MDGA1: variants seen among roughly 807,000 people sequenced by gnomAD.
The protein encoded by MDGA1 is MAM domain containing glycosylphosphatidylinositol anchor 1.
In MDGA1, 54 loss-of-function variants were observed where a neutral mutation model predicts 101.5. The observed-to-expected ratio is 0.53, with a 90% CI of 0.43 to 0.67. MDGA1 has a LOEUF of 0.67. MDGA1 is among the 30% of genes least tolerant of loss of function. The probability of loss-of-function intolerance (pLI) is 0.00; values close to 1 mark genes in which losing one functional copy is unlikely to be tolerated. For synonymous variants in MDGA1, 533 were observed against 558.3 expected (o/e 0.95, Z 0.64); for missense variants, 1,083 against 1,323.8 (o/e 0.82, Z 2.82).
intron 13 of MDGA1, 57 bp downstream of exon 13, chr6:37,644,440 G>A (rs1764175890): frequency 2.1e-6 from 3 of 1,462,996 alleles, no homozygotes. Flanking sequence ...GGGTGCCCTG[G>A]GCCTAGACAC....
At chr6:37,656,393 G>A (rs1469094047) in intron 3 of MDGA1, among the ~76,000 whole-genome samples, 2 of 144,480 alleles carry the variant, frequency 1.4e-5, no homozygotes, top group Non-Finnish European at 3.0e-5. Context: ...TTTTTTTTGA[G>A]ACAGAGTCTC....
intron 1 of MDGA1, among the ~76,000 whole-genome samples, chr6:37,684,239 G>C (rs192694331): frequency 1.1e-4 from 16 of 152,296 alleles, no homozygotes; most frequent in African/African-American, 3.9e-4. Context: ...TGTTGGACCC[G>C]GTGGAGACTG....
At chr6:37,658,101 G>A (rs1051436204) in intron 3 of MDGA1, 144 bp downstream of exon 3, 5 of 885,938 alleles carry the variant, frequency 5.6e-6, no homozygotes, top group Non-Finnish European at 8.2e-6. Context: ...GGTACACACC[G>A]CCTGGTACCT....
chr6:37,653,638 C>A (rs73413382), intron 6 of MDGA1, among the ~76,000 whole-genome samples: 3,367 of 152,218 alleles, frequency 0.022, 130 homozygotes, highest in African/African-American at 0.074. Context: ...TAAAGCTGCA[C>A]AAGCAGAAAA....
intron 2 of MDGA1, among the ~76,000 whole-genome samples, chr6:37,662,435 G>C (rs1468553698): frequency 1.3e-5 from 2 of 151,902 alleles, no homozygotes; most frequent in African/African-American, 2.4e-5. Flanking sequence ...AGGAGTTCAA[G>C]ACCAGCCTGG....
intron 1 of MDGA1, among the ~76,000 whole-genome samples, chr6:37,689,121 C>G (rs1454727138): frequency 6.6e-6 from 1 of 152,164 alleles, no homozygotes; most frequent in African/African-American, 2.4e-5. Flanking sequence ...CATTCCTCCT[C>G]CTCCTCTCAC....
chr6:37,650,520 C>G (rs781398290), intron 7 of MDGA1, 115 bp from the exon 8 acceptor site: 1 of 1,123,462 alleles, frequency 8.9e-7, no homozygotes, highest in Non-Finnish European at 1.2e-6. Context: ...TCTCTCCCAT[C>G]CCAGACTTCC....
chr6:37,681,039 C>T (rs1169999925), intron 1 of MDGA1, among the ~76,000 whole-genome samples: 2 of 152,176 alleles, frequency 1.3e-5, no homozygotes, highest in South Asian at 2.1e-4. Flanking sequence ...GCTGCCAACC[C>T]GGCTGGCATG....
chr6:37,664,983 A>AG (rs11413012), intron 1 of MDGA1, among the ~76,000 whole-genome samples: 124,876 of 150,740 alleles, frequency 0.83, 52,208 homozygotes, highest in Non-Finnish European at 0.88. Context: ...TTCTTCTCCA[A>AG]GGACAGAAAT....
In MDGA1 at chr6:37,638,197, T is replaced by C; in HGVS notation, c.2776+8A>G. Reference sequence around the variant, plus strand: ...ATTCAGCTCCCCCACCTCCTTCCCGTCTTGCACCTTTATTGGGATCCGTCT... The same window carrying C: ...ATTCAGCTCCCCCACCTCCTTCCCGCCTTGCACCTTTATTGGGATCCGTCT... On this transcript the variant is annotated splice_region_variant and intron_variant, in intron 16 of 16. Transcript: ENST00000434837. This position sits in a 1 kb window ranked among gnomAD's most constrained non-coding sequence, Gnocchi z 4.8. 1 of 1,608,388 alleles carries C rather than the reference T, an allele frequency of 6.2e-7. No individual in the cohort carries two copies. The highest frequency in any genetic ancestry group is 8.5e-7 in the Non-Finnish European group (1 of 1,175,746).
intron 2 of MDGA1, among the ~76,000 whole-genome samples, 188 bp from the exon 3 acceptor site, chr6:37,658,607 G>A (rs541457792): frequency 1.3e-5 from 2 of 152,364 alleles, no homozygotes; most frequent in Admixed American, 6.5e-5. Flanking sequence ...AGAATGCCAC[G>A]GAGTCAAGAG....
rs1190222856 is a variant in MDGA1 at position 37,635,215 on chromosome 6, T to C, written c.*2153A>G. The C allele has an allele frequency of 2.7e-6, 1 of 373,580 alleles. No individual in the cohort carries two copies. Among genetic ancestry groups the C allele is most frequent in the Non-Finnish European group, 4.7e-6 (1 of 210,530 alleles). 23.1% of individuals were successfully genotyped at this position (373,580 alleles called of 1,614,324 possible). ...TTTTTAAAGGACTCTGGTGGTTCTA[T>C]TCTGCAGGCAAGGCCAGGAACCACT... On this transcript the variant is annotated 3_prime_UTR_variant, in exon 17 of 17. Coordinates refer to ENST00000434837, the MANE Select transcript of MDGA1 (RefSeq NM_153487.4).
chr6:37,682,794 A>C (rs1007438803), intron 1 of MDGA1, among the ~76,000 whole-genome samples: 12 of 152,282 alleles, frequency 7.9e-5, no homozygotes, highest in African/African-American at 2.9e-4. Context: ...ATACTGAATT[A>C]GTTAATTAAT....
intron 2 of MDGA1, among the ~76,000 whole-genome samples, chr6:37,659,085 C>T (rs1230858561): frequency 6.6e-6 from 1 of 152,068 alleles, no homozygotes; most frequent in Non-Finnish European, 1.5e-5. Context: ...GAATTGAAGC[C>T]TCAGGCCAAC....
chr6:37,659,961 G>C (rs1761582177), intron 2 of MDGA1, among the ~76,000 whole-genome samples: 1 of 151,768 alleles, frequency 6.6e-6, no homozygotes, highest in Non-Finnish European at 1.5e-5. Context: ...TACTGCTCAA[G>C]CCTTGGTATG....
intron 3 of MDGA1, among the ~76,000 whole-genome samples, chr6:37,656,651 G>A (rs970730849): frequency 4.6e-5 from 7 of 152,204 alleles, no homozygotes; most frequent in East Asian, 3.8e-4. Flanking sequence ...GGGATGACAG[G>A]TGTGAACCAC....
chr6:37,637,141 G>C lies in MDGA1; in HGVS notation c.*227C>G. On this transcript the variant is annotated 3_prime_UTR_variant, in exon 17 of 17. Transcript: ENST00000434837. Reference sequence around the variant, plus strand: ...TGTGCTTTAATATATCTCTGTGTGTGTGAGCATGAGTGTGTGCGTGTGTGC... The same window carrying C: ...TGTGCTTTAATATATCTCTGTGTGTCTGAGCATGAGTGTGTGCGTGTGTGC... The C allele has an allele frequency of 2.0e-6, 1 of 491,700 alleles. No homozygotes were observed. The allele number at this position is 491,700 out of a possible 1,614,324, so 30.5% of individuals were successfully genotyped here. A position where few individuals can be genotyped will look rare whatever the true frequency, so the allele number is the denominator to read the frequency against.
intron 10 of MDGA1, 123 bp from the exon 11 acceptor site, chr6:37,646,498 T>A: frequency 8.3e-6 from 6 of 720,574 alleles, no homozygotes; most frequent in Non-Finnish European, 1.2e-5. Flanking sequence ...ATAAAAATGA[T>A]GACAGCAACA....
intron 3 of MDGA1, 79 bp downstream of exon 3, chr6:37,658,166 C>T: frequency 7.0e-7 from 1 of 1,427,780 alleles, no homozygotes; most frequent in East Asian, 2.5e-5. Context: ...CCCACTTCCC[C>T]ACCTCACCTC....
Sources: gnomAD v4.1 joint callset for allele counts (sites outside exome capture counted in the v4.1 genomes callset) on GRCh38, gnomAD v4.1.1 for gene constraint, Gnocchi (gnomAD v3.1) non-coding constraint, MANE v1.5 for transcripts, NCBI Gene and HGNC (gene_info 2026-07-23, HGNC 2026-07-21) for gene names.